Variants in PTPRD observed in about 807,000 individuals in gnomAD.
PTPRD encodes the protein protein tyrosine phosphatase receptor type D.
A neutral mutation model predicts 214.5 loss-of-function variants in PTPRD; 34 were observed. That is an observed-to-expected ratio of 0.16 (90% CI 0.12 to 0.21). The LOEUF (loss-of-function observed/expected upper bound fraction) is 0.21, where lower values mean the gene tolerates loss of function less well. PTPRD is among the 10% of genes least tolerant of loss of function. PTPRD has a pLI of 1.00. For missense variants in PTPRD, 2,545 were observed against 2,398.7 expected (o/e 1.06, Z -1.27); for synonymous variants, 1,128 against 845.7 (o/e 1.33, Z -5.79).
At chr9:9,506,867 G>T (rs1448323050) in intron 8 of PTPRD, among the ~76,000 whole-genome samples, 1 of 151,282 alleles carries the variant, frequency 6.6e-6, no homozygotes, top group Non-Finnish European at 1.5e-5. Context: ...TGTTAACAAG[G>T]CTGGTTAACA....
intron 8 of PTPRD, among the ~76,000 whole-genome samples, chr9:9,505,997 G>T (rs573288728): frequency 6.6e-6 from 1 of 151,246 alleles, no homozygotes; most frequent in Non-Finnish European, 1.5e-5. Flanking sequence ...CATAATCTAA[G>T]GACACAGGTC....
intron 2 of PTPRD, among the ~76,000 whole-genome samples, chr9:10,421,549 TAAC>T (rs2098545962): frequency 6.6e-6 from 1 of 151,918 alleles, no homozygotes. Flanking sequence ...TGATAAATTA[TAAC>T]AACAGATTTT....
At chr9:8,987,102 A>C (rs1236949193) in intron 11 of PTPRD, among the ~76,000 whole-genome samples, 2 of 152,144 alleles carry the variant, frequency 1.3e-5, no homozygotes, top group African/African-American at 4.8e-5. Flanking sequence ...CACCTGTAGC[A>C]TGTTGTCAAA....
chr9:8,990,711 C>T (rs1368875892), intron 11 of PTPRD, among the ~76,000 whole-genome samples: 2 of 152,068 alleles, frequency 1.3e-5, no homozygotes, highest in Non-Finnish European at 2.9e-5. Flanking sequence ...ATTGATGTAC[C>T]TTGTTTGATA....
intron 10 of PTPRD, among the ~76,000 whole-genome samples, chr9:9,157,201 A>G (rs990117349): frequency 2.6e-5 from 4 of 152,170 alleles, no homozygotes; most frequent in African/African-American, 7.2e-5. Context: ...AATAAACAAT[A>G]TAATGTTACA....
intron 8 of PTPRD, among the ~76,000 whole-genome samples, chr9:9,459,437 C>T (rs1300780294): frequency 6.6e-6 from 1 of 152,010 alleles, no homozygotes; most frequent in Non-Finnish European, 1.5e-5. Context: ...ACAAAATGAT[C>T]TTATATCTAG....
chr9:8,720,180 T>A (rs1477245925), intron 12 of PTPRD, among the ~76,000 whole-genome samples: 1 of 152,220 alleles, frequency 6.6e-6, no homozygotes, highest in Non-Finnish European at 1.5e-5. Context: ...AATGCCAAGA[T>A]GGCTTGGCTC....
At chr9:9,802,632 G>A (rs988819555) in intron 5 of PTPRD, among the ~76,000 whole-genome samples, 58 of 151,050 alleles carry the variant, frequency 3.8e-4, no homozygotes, top group Non-Finnish European at 5.8e-4. Context: ...CAAAGCCCAG[G>A]ATGCTAGGAA....
chr9:9,282,373 G>T (rs949501566), intron 9 of PTPRD, among the ~76,000 whole-genome samples: 14 of 151,228 alleles, frequency 9.3e-5, no homozygotes, highest in African/African-American at 3.1e-4. Context: ...AGTTTGCTAT[G>T]AACCTTAAAA....
intron 4 of PTPRD, among the ~76,000 whole-genome samples, chr9:9,982,953 G>A (rs1468012653): frequency 6.6e-6 from 1 of 151,942 alleles, no homozygotes; most frequent in Non-Finnish European, 1.5e-5. Context: ...GGAAAAACAA[G>A]GTGATGTGGC....
At chr9:9,400,367 T>C (rs2069817890) in intron 8 of PTPRD, among the ~76,000 whole-genome samples, 1 of 151,944 alleles carries the variant, frequency 6.6e-6, no homozygotes, top group Admixed American at 6.6e-5. Context: ...GTCCCCAGTA[T>C]CTGTTCTGAG....
In PTPRD at chr9:9,616,661, G is replaced by A. The variant is rs552030767; in HGVS notation, c.-286-41880C>T. On this transcript the variant is annotated intron_variant, in intron 7 of 45. Coordinates refer to ENST00000381196, the MANE Select transcript of PTPRD (RefSeq NM_002839.4). ...GGCTAAAACACGGCTATATGAAAAA[G>A]TTCATGATCACATAAGAAAACAGAT... Among the ~76,000 whole-genome samples, 4 of 152,136 alleles carry A rather than the reference G, an allele frequency of 2.6e-5. No homozygotes were observed. The East Asian group carries it at 7.7e-4, about 29-fold the overall frequency.
intron 4 of PTPRD, among the ~76,000 whole-genome samples, chr9:9,986,237 C>T (rs1050454094): frequency 1.3e-5 from 2 of 151,968 alleles, no homozygotes; most frequent in African/African-American, 2.4e-5. Context: ...TTCTTCTGAT[C>T]CAAAAATTCC....
chr9:10,387,975 T>A (rs369865673), intron 2 of PTPRD, among the ~76,000 whole-genome samples: 1 of 151,468 alleles, frequency 6.6e-6, no homozygotes, highest in African/African-American at 2.4e-5. Flanking sequence ...TGTCTTCTTT[T>A]TAGAGTTGTC....
At chr9:10,366,969 G>A (rs1191788003) in intron 2 of PTPRD, among the ~76,000 whole-genome samples, 2 of 151,938 alleles carry the variant, frequency 1.3e-5, no homozygotes, top group Non-Finnish European at 2.9e-5. Context: ...GACCTGGGTG[G>A]TGAATACATG....
intron 5 of PTPRD, among the ~76,000 whole-genome samples, chr9:9,867,353 C>T (rs1467212911): frequency 1.3e-5 from 2 of 152,056 alleles, no homozygotes; most frequent in African/African-American, 4.8e-5. Context: ...TTTAATTATA[C>T]CATATTCTCA....
chr9:9,828,616 C>A (rs147852119), intron 5 of PTPRD, among the ~76,000 whole-genome samples: 1 of 152,046 alleles, frequency 6.6e-6, no homozygotes, highest in East Asian at 1.9e-4. Flanking sequence ...CAAACCTACA[C>A]GTTGTGCACG....
At position 10,612,981 on chromosome 9, in the gene PTPRD, C is replaced by A. The variant is rs1333164141; in HGVS notation, c.-1001G>T. On this transcript the variant is annotated 5_prime_UTR_variant, in exon 1 of 46. Transcript: ENST00000381196. ...CTCGCTCGCTCGCTCGCTGGCGCTC[C>A]CTCCTCGTCTCGCTCGCACTCACAG... 1.3e-5 allele frequency among the ~76,000 whole-genome samples: 2 copies of A among 151,334 alleles called. No individual in the cohort carries two copies. Among genetic ancestry groups the A allele is most frequent in the Non-Finnish European group, 3.0e-5 (2 of 67,754 alleles).
chr9:10,582,009 G>A (rs2072043806), intron 2 of PTPRD, among the ~76,000 whole-genome samples: 1 of 152,134 alleles, frequency 6.6e-6, no homozygotes, highest in Non-Finnish European at 1.5e-5. Context: ...TCTGAAGTTG[G>A]AAATTTGGGG....
Sources: allele counts gnomAD v4.1 joint callset (sites outside exome capture counted in the v4.1 genomes callset), GRCh38; gene constraint gnomAD v4.1.1; transcripts MANE v1.5; gene names NCBI Gene and HGNC (gene_info 2026-07-23, HGNC 2026-07-21).